LUZP2: variants seen among roughly 807,000 people sequenced by gnomAD.
LUZP2 encodes the protein leucine zipper protein 2.
LUZP2 carries 52 observed loss-of-function variants against 51.6 expected under a neutral mutation model. The ratio of observed to expected loss-of-function variants is 1.01; its 90% CI spans 0.81 to 1.27. LUZP2 has a LOEUF of 1.27. Among genes scored for constraint, LUZP2 ranks in the 50% most tolerant of loss-of-function variants. The pLI is 0.00. For missense variants in LUZP2, 436 were observed against 395.4 expected (o/e 1.10, Z -0.87); for synonymous variants, 154 against 137.3 (o/e 1.12, Z -0.85).
rs540937301 is a variant in LUZP2 at position 24,776,744 on chromosome 11, C to T, written c.396+13436C>T. ...TATTTACTTACTACATTCAGATACT[C>T]CATAAAATGGCACTAAAGAAGCTCT... is the stretch of plus-strand genomic sequence containing the variant. On this transcript the variant is annotated intron_variant, in intron 5 of 11. Transcript: ENST00000336930. Among the ~76,000 whole-genome samples the T allele has an allele frequency of 4.7e-4, 71 of 152,174 alleles. 1 individual carries two copies. Among genetic ancestry groups the T allele is most frequent in the African/African-American group, 1.6e-3 (65 of 41,510 alleles).
At chr11:24,502,545 G>A (rs572652983) in intron 1 of LUZP2, among the ~76,000 whole-genome samples, 11 of 151,600 alleles carry the variant, frequency 7.3e-5, no homozygotes, top group South Asian at 2.1e-4. Context: ...CACCATGCCC[G>A]GCTGATTTTT....
chr11:24,617,664 A>G (rs1427678002), intron 1 of LUZP2, among the ~76,000 whole-genome samples: 1 of 152,106 alleles, frequency 6.6e-6, no homozygotes, highest in East Asian at 1.9e-4. Context: ...CTATTAAAAT[A>G]CAAAAAATTA....
At chr11:24,788,784 C>T (rs1849322090) in intron 5 of LUZP2, among the ~76,000 whole-genome samples, 1 of 152,092 alleles carries the variant, frequency 6.6e-6, no homozygotes, top group African/African-American at 2.4e-5. Flanking sequence ...CTCTGAAGTG[C>T]ATCTGCTGCT....
intron 4 of LUZP2, among the ~76,000 whole-genome samples, chr11:24,747,820 G>T (rs544031195): frequency 2.3e-4 from 35 of 152,146 alleles, no homozygotes; most frequent in African/African-American, 8.4e-4. Context: ...AGTCATGCAG[G>T]TTGTTGGGTA....
intron 1 of LUZP2, among the ~76,000 whole-genome samples, chr11:24,715,696 T>A (rs1858017035): frequency 1.3e-5 from 2 of 152,214 alleles, no homozygotes; most frequent in Non-Finnish European, 1.5e-5. Flanking sequence ...TTTCTTCTAA[T>A]GTCTTACTCT....
At chr11:24,786,202 A>G in intron 5 of LUZP2, 1 of 965,628 alleles carries the variant, frequency 1.0e-6, no homozygotes, top group Non-Finnish European at 1.2e-6. Flanking sequence ...TATATTTTAT[A>G]ATTTTATATT....
chr11:24,697,663 G>T (rs2133901835), intron 1 of LUZP2, among the ~76,000 whole-genome samples: 1 of 152,268 alleles, frequency 6.6e-6, no homozygotes, highest in East Asian at 1.9e-4. Flanking sequence ...AACCAAAGAT[G>T]ACAAGATTAG....
At chr11:24,556,604 A>T (rs1187051734) in intron 1 of LUZP2, among the ~76,000 whole-genome samples, 1 of 152,182 alleles carries the variant, frequency 6.6e-6, no homozygotes, top group Non-Finnish European at 1.5e-5. Flanking sequence ...TCCTTCCAGA[A>T]AGGTAGAAGA....
intron 7 of LUZP2, among the ~76,000 whole-genome samples, chr11:24,932,121 C>G (rs1212550358): frequency 6.6e-6 from 1 of 152,168 alleles, no homozygotes; most frequent in Non-Finnish European, 1.5e-5. Flanking sequence ...CTTCAGGTCT[C>G]TCAGCCATGG....
chr11:24,800,584 A>G (rs950204313), intron 5 of LUZP2, among the ~76,000 whole-genome samples: 15 of 151,944 alleles, frequency 9.9e-5, no homozygotes, highest in Admixed American at 9.8e-4. Context: ...CAAAAAACTC[A>G]GGGAGGGTGA....
At chr11:25,069,120 T>C (rs1859081063) in intron 10 of LUZP2, among the ~76,000 whole-genome samples, 1 of 152,016 alleles carries the variant, frequency 6.6e-6, no homozygotes, top group African/African-American at 2.4e-5. Context: ...TTTTTGGTTT[T>C]GTCACAAACT....
At chr11:24,502,106 G>A (rs995001609) in intron 1 of LUZP2, among the ~76,000 whole-genome samples, 7 of 140,414 alleles carry the variant, frequency 5.0e-5, no homozygotes, top group Non-Finnish European at 7.5e-5. Flanking sequence ...GAGTTCATCC[G>A]TGGAAACAGT....
chr11:24,746,382 C>T (rs535257095), intron 4 of LUZP2, among the ~76,000 whole-genome samples: 80 of 152,252 alleles, frequency 5.3e-4, no homozygotes, highest in African/African-American at 1.8e-3. Flanking sequence ...GATAGGGCCC[C>T]AATCCTTCTA....
chr11:24,819,986 A>G (rs1850307727), intron 5 of LUZP2, among the ~76,000 whole-genome samples: 1 of 152,144 alleles, frequency 6.6e-6, no homozygotes, highest in Admixed American at 6.6e-5. Context: ...GGAAAGCTAT[A>G]TGAAGGAGTC....
At chr11:24,730,329 C>T (rs1858667858) in intron 2 of LUZP2, among the ~76,000 whole-genome samples, 1 of 151,520 alleles carries the variant, frequency 6.6e-6, no homozygotes, top group African/African-American at 2.4e-5. Flanking sequence ...AGTTAAGGGA[C>T]AGAGCTGGTA....
At chr11:24,678,793 T>A (rs1460509354) in intron 1 of LUZP2, among the ~76,000 whole-genome samples, 2 of 152,224 alleles carry the variant, frequency 1.3e-5, no homozygotes, top group Non-Finnish European at 2.9e-5. Context: ...TCGCCCAATG[T>A]TAATTTAAGC....
chr11:24,686,184 C>A, intron 1 of LUZP2, among the ~76,000 whole-genome samples: 1 of 148,932 alleles, frequency 6.7e-6, no homozygotes, highest in African/African-American at 2.5e-5. Flanking sequence ...CATTTGTAGT[C>A]ATGCTTTTGA....
intron 7 of LUZP2, among the ~76,000 whole-genome samples, chr11:24,969,286 T>C (rs1004185772): frequency 1.6e-4 from 25 of 152,172 alleles, no homozygotes; most frequent in Non-Finnish European, 1.6e-4. Context: ...CCTGTGTTAG[T>C]TTGCTAAGGA....
chr11:24,527,599 A>ACACAG lies in LUZP2; in HGVS notation c.62+30294_62+30295insCACAG, dbSNP rs112511900. Among the ~76,000 whole-genome samples, 442 of 148,802 alleles carry ACACAG rather than the reference A, an allele frequency of 3.0e-3. 1 individual carries two copies. The highest frequency in any genetic ancestry group is 7.7e-3 in the African/African-American group (308 of 40,118). ...CACACACACACACACACACACACAC[A>ACACAG]TTTATTTGTTGGCATCTTCTAGAAA... On this transcript the variant is annotated intron_variant, in intron 1 of 11. Transcript: ENST00000336930.
Sources: allele counts gnomAD v4.1 joint callset (sites outside exome capture counted in the v4.1 genomes callset), GRCh38; gene constraint gnomAD v4.1.1; transcripts MANE v1.5; gene names NCBI Gene and HGNC (gene_info 2026-07-23, HGNC 2026-07-21).